TAF4B: variants seen among roughly 807,000 people sequenced by gnomAD.
TAF4B encodes the protein TATA-box binding protein associated factor 4b, also known as transcription initiation factor TFIID subunit 4B.
TAF4B carries 38 observed loss-of-function variants against 86.4 expected under a neutral mutation model. The observed-to-expected ratio is 0.44, with a 90% CI of 0.34 to 0.58. The LOEUF (loss-of-function observed/expected upper bound fraction) is 0.58. Among genes scored for constraint, TAF4B ranks in the 20% least tolerant of loss-of-function variants. TAF4B has a pLI of 0.02. For synonymous variants in TAF4B, 388 were observed against 391.2 expected (o/e 0.99, Z 0.10); for missense variants, 988 against 1,027.6 (o/e 0.96, Z 0.53).
intron 14 of TAF4B, among the ~76,000 whole-genome samples, chr18:26,373,635 ATAT>A (rs1259748512): frequency 6.6e-6 from 1 of 152,150 alleles, no homozygotes; most frequent in East Asian, 1.9e-4. Context: ...TCAATACTGG[ATAT>A]TATTATTTTA....
intron 3 of TAF4B, among the ~76,000 whole-genome samples, chr18:26,270,537 A>G (rs926228015): frequency 6.6e-6 from 1 of 151,524 alleles, no homozygotes; most frequent in Non-Finnish European, 1.5e-5. Context: ...CTGTTCTTGA[A>G]CTCCTGGGGC....
intron 11 of TAF4B, among the ~76,000 whole-genome samples, chr18:26,326,398 A>G (rs182055054): frequency 1.3e-5 from 2 of 152,342 alleles, no homozygotes; most frequent in African/African-American, 2.4e-5. Flanking sequence ...CTTTGACCAC[A>G]GTTTCTGTCC....
At position 26,390,098 on chromosome 18, in the gene TAF4B, C is replaced by T; in HGVS notation, c.*86C>T. On this transcript the variant is annotated 3_prime_UTR_variant, in exon 15 of 15. Coordinates refer to ENST00000269142, the MANE Select transcript of TAF4B (RefSeq NM_005640.3). ...TTGCACTGTCCTGAAATTTCAATTT[C>T]TGGAAAATAATCACCAACATGAAAG... is the stretch of plus-strand genomic sequence containing the variant. 2 of 1,366,100 alleles carry T rather than the reference C, an allele frequency of 1.5e-6. No individual in the cohort carries two copies. The highest frequency in any genetic ancestry group is 2.0e-6 in the Non-Finnish European group (2 of 1,011,764). 84.6% of individuals were successfully genotyped at this position (1,366,100 alleles called of 1,614,324 possible).
chr18:26,347,200 G>A (rs549776953), intron 13 of TAF4B, among the ~76,000 whole-genome samples: 4 of 151,816 alleles, frequency 2.6e-5, no homozygotes, highest in Middle Eastern at 6.8e-3. Flanking sequence ...GATTACAGGC[G>A]TGAGCCACTG....
At chr18:26,358,394 T>C (rs1357501028) in intron 14 of TAF4B, among the ~76,000 whole-genome samples, 1 of 152,218 alleles carries the variant, frequency 6.6e-6, no homozygotes, top group Non-Finnish European at 1.5e-5. Flanking sequence ...GGATCTTACT[T>C]ACATCTTCAG....
At chr18:26,340,191 G>A (rs919724006) in intron 13 of TAF4B, among the ~76,000 whole-genome samples, 1 of 152,042 alleles carries the variant, frequency 6.6e-6, no homozygotes, top group African/African-American at 2.4e-5. Flanking sequence ...ATAAAACATT[G>A]TACAAGAAAT....
intron 14 of TAF4B, among the ~76,000 whole-genome samples, chr18:26,378,882 C>G (rs184511676): frequency 6.6e-6 from 1 of 152,182 alleles, no homozygotes; most frequent in Non-Finnish European, 1.5e-5. Context: ...GTAGTACATT[C>G]TTTTTAGTGC....
chr18:26,274,529 T>G (rs2056359161), intron 3 of TAF4B, 134 bp from the exon 4 acceptor site: 1 of 905,452 alleles, frequency 1.1e-6, no homozygotes, highest in Non-Finnish European at 1.7e-6. Flanking sequence ...AACTGTATTA[T>G]ATTGCCTTAG....
At chr18:26,353,400 A>G (rs2057260663) in intron 13 of TAF4B, among the ~76,000 whole-genome samples, 1 of 152,218 alleles carries the variant, frequency 6.6e-6, no homozygotes. Context: ...TTTAAAATCC[A>G]TTAATGATTA....
chr18:26,282,247 AAAG>A (rs1437654833), intron 6 of TAF4B, among the ~76,000 whole-genome samples, 187 bp downstream of exon 6: 3 of 152,214 alleles, frequency 2.0e-5, no homozygotes, highest in Non-Finnish European at 4.4e-5. Flanking sequence ...CACTTTGAAA[AAAG>A]AGAAGTAACA....
In TAF4B at chr18:26,351,659, C is replaced by T. The variant is rs551025345; in HGVS notation, c.2317-6031C>T. On this transcript the variant is annotated intron_variant, in intron 13 of 14. Coordinates refer to ENST00000269142, the MANE Select transcript of TAF4B (RefSeq NM_005640.3). ...TTCATAAAAATTAATATTCAATAAT[C>T]AGTTATAGTTTTAAACACCAGCAAC... 3.3e-5 allele frequency among the ~76,000 whole-genome samples: 5 copies of T among 152,060 alleles called. No homozygotes were observed. In the East Asian group the frequency reaches 9.7e-4, roughly 29 times the overall value.
At chr18:26,385,610 G>A (rs1411262494) in intron 14 of TAF4B, among the ~76,000 whole-genome samples, 1 of 150,884 alleles carries the variant, frequency 6.6e-6, no homozygotes, top group African/African-American at 2.4e-5. Flanking sequence ...TCCTCATGTA[G>A]AAAGTTACAT....
chr18:26,377,841 A>G (rs992230363), intron 14 of TAF4B, among the ~76,000 whole-genome samples: 2 of 152,164 alleles, frequency 1.3e-5, no homozygotes, highest in East Asian at 1.9e-4. Context: ...GGCTTCCGTC[A>G]TTAGGGATTT....
chr18:26,296,064 C>T (rs1418078783), intron 9 of TAF4B, among the ~76,000 whole-genome samples: 1 of 151,606 alleles, frequency 6.6e-6, no homozygotes, highest in African/African-American at 2.4e-5. Flanking sequence ...CTTTCATTCC[C>T]ATTACTTTGT....
intron 14 of TAF4B, 45 bp from the exon 15 acceptor site, chr18:26,389,800 T>C (rs1419544932): frequency 1.6e-5 from 26 of 1,585,044 alleles, no homozygotes; most frequent in Non-Finnish European, 2.1e-5. Flanking sequence ...TTTCCCTTTA[T>C]GAAAGATTTT....
rs142580789 is a variant in TAF4B at position 26,269,247 on chromosome 18, G to A, written c.597+1624G>A. Among the ~76,000 whole-genome samples the A allele has an allele frequency of 4.7e-3, 716 of 152,096 alleles. 8 individuals are homozygous for A. The highest frequency in any genetic ancestry group is 4.0e-3 in the Non-Finnish European group (271 of 68,004). On this transcript the variant is annotated intron_variant, in intron 3 of 14. Transcript: ENST00000269142. ...CCAGTGAGTGTTTGTTGTGAGTGAT[G>A]GTAAGTGGGGGCCATTCATGCTTCT...
At chr18:26,296,422 C>G (rs1202952113) in intron 9 of TAF4B, among the ~76,000 whole-genome samples, 1 of 151,158 alleles carries the variant, frequency 6.6e-6, no homozygotes, top group African/African-American at 2.4e-5. Context: ...TCTGCCCTGT[C>G]TCTCTTTTCT....
intron 1 of TAF4B, among the ~76,000 whole-genome samples, chr18:26,228,966 C>G (rs1466300959): frequency 6.6e-6 from 1 of 151,768 alleles, no homozygotes; most frequent in African/African-American, 2.4e-5. Context: ...ATAATTTGTC[C>G]AATGCCAGGC....
At chr18:26,311,707 T>C (rs1019270615) in intron 9 of TAF4B, among the ~76,000 whole-genome samples, 1 of 152,176 alleles carries the variant, frequency 6.6e-6, no homozygotes, top group Non-Finnish European at 1.5e-5. Flanking sequence ...GGAGGAGTTA[T>C]TCTATAGTGA....
Sources: allele counts gnomAD v4.1 joint callset (sites outside exome capture counted in the v4.1 genomes callset), GRCh38; gene constraint gnomAD v4.1.1; transcripts MANE v1.5; gene names NCBI Gene and HGNC (gene_info 2026-07-23, HGNC 2026-07-21).